CREB5: variants seen among roughly 807,000 people sequenced by gnomAD.
CREB5 encodes the protein cAMP responsive element binding protein 5, also known as cyclic AMP-responsive element-binding protein 5.
A neutral mutation model predicts 57.1 loss-of-function variants in CREB5; 19 were observed. The observed-to-expected ratio is 0.33, with a 90% CI of 0.23 to 0.49. The LOEUF (loss-of-function observed/expected upper bound fraction) is 0.49. Ranked by LOEUF, CREB5 falls within the 20% of genes least tolerant of loss-of-function variation. CREB5 has a pLI of 0.99. For synonymous variants in CREB5, 238 were observed against 238.3 expected, an observed-to-expected ratio of 1.00 and a Z score of 0.01; for missense variants, 579 against 671.6, an observed-to-expected ratio of 0.86 and a Z score of 1.52.
chr7:28,318,582 C>T (rs1307878924), intron 1 of CREB5, among the ~76,000 whole-genome samples: 1 of 152,196 alleles, frequency 6.6e-6, no homozygotes, highest in African/African-American at 2.4e-5. Context: ...TTCTCTGCTA[C>T]AATGCCTCAC....
At chr7:28,723,631 T>C (rs1026007743) in intron 6 of CREB5, among the ~76,000 whole-genome samples, 2 of 152,286 alleles carry the variant, frequency 1.3e-5, no homozygotes, top group African/African-American at 2.4e-5. Flanking sequence ...ATCACAATGA[T>C]TGTGTTTGTG....
intron 5 of CREB5, among the ~76,000 whole-genome samples, chr7:28,713,227 G>C (rs1035134935): frequency 2.6e-5 from 4 of 152,128 alleles, no homozygotes; most frequent in African/African-American, 9.6e-5. Flanking sequence ...TTTTAATAGA[G>C]ATGGGGTTTT....
chr7:28,558,498 G>A (rs186479324), intron 4 of CREB5, among the ~76,000 whole-genome samples: 8 of 152,302 alleles, frequency 5.3e-5, no homozygotes, highest in African/African-American at 1.9e-4. Flanking sequence ...AGTCTAACTT[G>A]TAGCACATTT....
intron 5 of CREB5, among the ~76,000 whole-genome samples, chr7:28,683,736 G>T (rs1800715678): frequency 6.6e-6 from 1 of 152,108 alleles, no homozygotes; most frequent in Non-Finnish European, 1.5e-5. Context: ...TCCCAAGCAA[G>T]GCACAGGAAA....
In CREB5 at chr7:28,470,983, C is replaced by T. The variant is rs149878523; in HGVS notation, c.4-17192C>T. On this transcript the variant is annotated intron_variant, in intron 1 of 10. Transcript: ENST00000357727. Reference sequence around the variant, plus strand: ...TTCTATATTCTGGTTATTAATCCCTCGTCAGATGGGTAGTTTGCAGGTATT... The same window carrying T: ...TTCTATATTCTGGTTATTAATCCCTTGTCAGATGGGTAGTTTGCAGGTATT... Among the ~76,000 whole-genome samples, 656 of 152,190 alleles carry T rather than the reference C, an allele frequency of 4.3e-3. 9 individuals are homozygous for T. The highest frequency in any genetic ancestry group is 0.014 in the African/African-American group (572 of 41,538).
intron 1 of CREB5, among the ~76,000 whole-genome samples, chr7:28,368,658 A>G (rs191636504): frequency 6.6e-6 from 1 of 152,152 alleles, no homozygotes; most frequent in East Asian, 1.9e-4. Context: ...CTTTCCTTAT[A>G]CCTCAGCTCA....
At chr7:28,715,042 A>AGTTTT (rs1219165081) in intron 5 of CREB5, among the ~76,000 whole-genome samples, 3 of 152,162 alleles carry the variant, frequency 2.0e-5, no homozygotes, top group Non-Finnish European at 4.4e-5. Context: ...TTGTTTGGGA[A>AGTTTT]GTTTTGTTTT....
chr7:28,775,543 C>CATATATATATATATAT (rs56224961), intron 7 of CREB5, among the ~76,000 whole-genome samples: 2,430 of 120,372 alleles, frequency 0.02, 79 homozygotes, highest in Non-Finnish European at 0.029. Context: ...ATTCCTTAGC[C>CATATATATATATATAT]ATATATATAT....
intron 9 of CREB5, among the ~76,000 whole-genome samples, chr7:28,813,439 G>C (rs546355398): frequency 1.3e-5 from 2 of 152,230 alleles, no homozygotes; most frequent in African/African-American, 4.8e-5. Context: ...CTGAAATTTT[G>C]GACACATGAG....
At chr7:28,646,421 G>A (rs1798890871) in intron 5 of CREB5, among the ~76,000 whole-genome samples, 1 of 152,162 alleles carries the variant, frequency 6.6e-6, no homozygotes, top group Admixed American at 6.5e-5. Flanking sequence ...AAGGCCTGGT[G>A]CTGCCATCTC....
rs564416192 is a variant in CREB5 at position 28,633,368 on chromosome 7, CATGT to C, written c.464+62832_464+62835del. 4.2e-3 allele frequency among the ~76,000 whole-genome samples: 380 copies of C among 89,584 alleles called. 1 individual carries two copies. Among genetic ancestry groups the C allele is most frequent in the African/African-American group, 0.022 (355 of 16,234 alleles). 58.8% of individuals were successfully genotyped at this position (89,584 alleles called of 152,430 possible). A position where few individuals can be genotyped will look rare whatever the true frequency, so the allele number is the denominator to read the frequency against. ...AGTTTAAACCAAGGATTCAATCATTCATGTGTGTGTGTGTGTGTGTGTGTCTGTG... is the reference window on the plus strand; with the variant it reads ...AGTTTAAACCAAGGATTCAATCATTCGTGTGTGTGTGTGTGTGTGTCTGTG... On this transcript the variant is annotated intron_variant, in intron 5 of 10. Coordinates refer to ENST00000357727, the MANE Select transcript of CREB5 (RefSeq NM_182898.4).
intron 1 of CREB5, among the ~76,000 whole-genome samples, 199 bp from the exon 2 acceptor site, chr7:28,487,976 G>A (rs1001712882): frequency 1.1e-4 from 16 of 152,182 alleles, no homozygotes; most frequent in African/African-American, 3.9e-4. Context: ...AAGGACAGTA[G>A]GAGCCCAGCC....
intron 5 of CREB5, among the ~76,000 whole-genome samples, chr7:28,574,093 C>T (rs1430955392): frequency 6.6e-6 from 1 of 152,222 alleles, no homozygotes; most frequent in East Asian, 1.9e-4. Flanking sequence ...CTTAGTCAAA[C>T]TGGCAGACGC....
chr7:28,450,375 TC>T (rs1789737003), intron 1 of CREB5, among the ~76,000 whole-genome samples: 1 of 152,220 alleles, frequency 6.6e-6, no homozygotes, highest in Non-Finnish European at 1.5e-5. Context: ...TCAAAAATTA[TC>T]CCAGTTCTAA....
At chr7:28,817,091 A>G (rs1460206552) in intron 9 of CREB5, among the ~76,000 whole-genome samples, 2 of 152,004 alleles carry the variant, frequency 1.3e-5, no homozygotes, top group African/African-American at 4.8e-5. Flanking sequence ...AGGCACTTAC[A>G]TGAGTAAATA....
chr7:28,339,507 G>C (rs1785892156), intron 1 of CREB5, among the ~76,000 whole-genome samples: 1 of 152,116 alleles, frequency 6.6e-6, no homozygotes, highest in Non-Finnish European at 1.5e-5. Context: ...TCTATGGGCT[G>C]AGCTGCCTGG....
rs201063096 is a variant in CREB5, at chr7:28,672,175, GAA to G, written c.465-46565_465-46564del. ...AGACAAGGAGATCAGTTGTATTATGGAAAAAAAAAAAAAACACACACACACAC... is the reference window on the plus strand; with the variant it reads ...AGACAAGGAGATCAGTTGTATTATGGAAAAAAAAAAAACACACACACACAC... On this transcript the variant is annotated intron_variant, in intron 5 of 10. Transcript: ENST00000357727. Among the ~76,000 whole-genome samples the G allele has an allele frequency of 9.4e-3, 825 of 87,990 alleles. 3 individuals are homozygous for G. Among genetic ancestry groups the G allele is most frequent in the African/African-American group, 0.028 (607 of 21,992 alleles). 57.7% of individuals were successfully genotyped at this position (87,990 alleles called of 152,430 possible). A position where few individuals can be genotyped will look rare whatever the true frequency, so the allele number is the denominator to read the frequency against.
intron 4 of CREB5, among the ~76,000 whole-genome samples, chr7:28,546,925 G>T (rs1225038854): frequency 2.0e-5 from 3 of 152,318 alleles, no homozygotes; most frequent in African/African-American, 4.8e-5. Flanking sequence ...GGGGTGTATT[G>T]GGGGTCAGAA....
At chr7:28,330,313 T>A (rs961589787) in intron 1 of CREB5, among the ~76,000 whole-genome samples, 4 of 152,104 alleles carry the variant, frequency 2.6e-5, no homozygotes, top group African/African-American at 9.7e-5. Context: ...TGCTAGATAA[T>A]TGAGAGGAGG....
Sources: gnomAD v4.1 joint callset for allele counts (sites outside exome capture counted in the v4.1 genomes callset) on GRCh38, gnomAD v4.1.1 for gene constraint, MANE v1.5 for transcripts, NCBI Gene and HGNC (gene_info 2026-07-23, HGNC 2026-07-21) for gene names.